Variants in RABGEF1 observed in about 807,000 individuals in gnomAD.
The protein encoded by RABGEF1 is rab5 GDP/GTP exchange factor.
A neutral mutation model predicts 57.3 loss-of-function variants in RABGEF1; 26 were observed. The ratio of observed to expected loss-of-function variants is 0.45; its 90% CI spans 0.33 to 0.63. The LOEUF (loss-of-function observed/expected upper bound fraction) is 0.63. Ranked by LOEUF, RABGEF1 falls within the 20% of genes least tolerant of loss-of-function variation. The probability of loss-of-function intolerance (pLI) is 0.02; values close to 1 mark genes in which losing one functional copy is unlikely to be tolerated. For missense variants in RABGEF1, 464 were observed against 607.6 expected, an observed-to-expected ratio of 0.76 and a Z score of 2.48; for synonymous variants, 185 against 210.7, an observed-to-expected ratio of 0.88 and a Z score of 1.06.
At chr7:66,776,253 T>TC (rs1274704933) in intron 3 of RABGEF1, among the ~76,000 whole-genome samples, 4 of 152,216 alleles carry the variant, frequency 2.6e-5, no homozygotes, top group African/African-American at 9.6e-5. Context: ...TAATGAGGTC[T>TC]CCCCTGAAGG....
At chr7:66,684,025 G>C (rs1056078989) in intron 1 of RABGEF1, among the ~76,000 whole-genome samples, 1 of 152,136 alleles carries the variant, frequency 6.6e-6, no homozygotes, top group Admixed American at 6.5e-5. Context: ...TACAGGCATC[G>C]GCTCCCGAGC....
rs545909493 is a variant in RABGEF1, at chr7:66,686,109, G to A, written c.-873+3851G>A. Among the ~76,000 whole-genome samples the A allele has an allele frequency of 1.2e-4, 18 of 152,054 alleles. No homozygotes were observed. In the South Asian group the frequency reaches 2.5e-3, roughly 21 times the overall value. ...GCCTGGATCAAGACTGCGAAACCCC[G>A]TCTCTACTAAAATACAGAAAACTTA... On this transcript the variant is annotated intron_variant and NMD_transcript_variant, in intron 1 of 9. Coordinates refer to the RABGEF1 transcript ENST00000607882.
the RABGEF1 span, among the ~76,000 whole-genome samples, chr7:66,663,214 C>T: frequency 6.6e-6 from 1 of 152,236 alleles, no homozygotes; most frequent in Non-Finnish European, 1.5e-5. Context: ...AGTTGAATAT[C>T]TCTAGAAACA....
At chr7:66,657,118 A>C in the RABGEF1 span, among the ~76,000 whole-genome samples, 2 of 152,252 alleles carry the variant, frequency 1.3e-5, no homozygotes. Context: ...GAAAGAGAGC[A>C]CTTGAACAAC....
the RABGEF1 span, among the ~76,000 whole-genome samples, chr7:66,658,876 C>T: frequency 6.6e-6 from 1 of 152,020 alleles, no homozygotes; most frequent in Non-Finnish European, 1.5e-5. Flanking sequence ...GCTGGGACTA[C>T]AGGCGCCCAC....
chr7:66,790,358 C>T (rs904403389), intron 4 of RABGEF1, among the ~76,000 whole-genome samples: 6 of 152,122 alleles, frequency 3.9e-5, no homozygotes, highest in South Asian at 2.1e-4. Flanking sequence ...TCTTCACATG[C>T]GACAGGCAAT....
the RABGEF1 span, among the ~76,000 whole-genome samples, chr7:66,663,425 A>G: frequency 6.6e-6 from 1 of 152,082 alleles, no homozygotes; most frequent in Admixed American, 6.6e-5. Flanking sequence ...TGAAAATACC[A>G]TAATTGGCTG....
chr7:66,660,590 T>G, the RABGEF1 span, among the ~76,000 whole-genome samples: 2 of 147,350 alleles, frequency 1.4e-5, no homozygotes, highest in Non-Finnish European at 3.0e-5. Flanking sequence ...CGGAGTGCAC[T>G]CCATTGCACT....
intron 4 of RABGEF1, among the ~76,000 whole-genome samples, chr7:66,785,879 G>GA (rs796913381): frequency 7.5e-5 from 10 of 133,892 alleles, no homozygotes; most frequent in Non-Finnish European, 1.0e-4. Flanking sequence ...ATCTGGGGGG[G>GA]AAAAAAAAAA....
In RABGEF1 at chr7:66,706,489, A is replaced by G. The variant is rs577060764; in HGVS notation, c.-872-5678A>G. On this transcript the variant is annotated intron_variant and NMD_transcript_variant, in intron 1 of 9. Transcript: ENST00000607882. ...CAGTGGTGTGATCTCTGCTTACTGC[A>G]CCCTTTGCCTCCCGGGTTCAAGCGA... 1.1e-4 allele frequency among the ~76,000 whole-genome samples: 17 copies of G among 151,820 alleles called. No individual in the cohort carries two copies. The South Asian group carries it at 3.3e-3, about 30-fold the overall frequency.
intron 6 of RABGEF1, among the ~76,000 whole-genome samples, chr7:66,797,837 C>A (rs1786361831): frequency 6.6e-6 from 1 of 152,158 alleles, no homozygotes; most frequent in Non-Finnish European, 1.5e-5. Context: ...GGTATCAAGG[C>A]AGGGGATGTC....
At chr7:66,655,097 G>A in the RABGEF1 span, among the ~76,000 whole-genome samples, 15 of 152,230 alleles carry the variant, frequency 9.9e-5, no homozygotes, top group African/African-American at 3.6e-4. Flanking sequence ...GCTCTTGGCC[G>A]CGACAGGGGC....
At chr7:66,687,985 T>C (rs1033105072) in intron 1 of RABGEF1, among the ~76,000 whole-genome samples, 12 of 149,802 alleles carry the variant, frequency 8.0e-5, no homozygotes, top group African/African-American at 2.7e-4. Flanking sequence ...CACGGTAGGC[T>C]GAGGCAGGAG....
intron 2 of RABGEF1, among the ~76,000 whole-genome samples, chr7:66,772,926 A>T (rs1022664980): frequency 1.3e-5 from 2 of 151,632 alleles, no homozygotes; most frequent in South Asian, 2.1e-4. Context: ...AAAAATAAAT[A>T]AATAAATAAA....
intron 1 of RABGEF1, among the ~76,000 whole-genome samples, chr7:66,744,512 C>A (rs1374973992): frequency 1.3e-5 from 2 of 151,328 alleles, no homozygotes; most frequent in Admixed American, 6.6e-5. Flanking sequence ...ACTAAAAATA[C>A]AAAAAATTAG....
chr7:66,705,919 G>A lies in RABGEF1; in HGVS notation c.-872-6248G>A, dbSNP rs1163597905. 5.9e-5 allele frequency among the ~76,000 whole-genome samples: 7 copies of A among 118,616 alleles called. No homozygotes were observed. The South Asian group carries it at 8.3e-4, about 14-fold the overall frequency. The allele number at this position is 118,616 out of a possible 152,430, so 77.8% of individuals were successfully genotyped here. A position where few individuals can be genotyped will look rare whatever the true frequency, so the allele number is the denominator to read the frequency against. ...TTTTTTTTTTTTTTTTTTTTGAGAC[G>A]GAGTCTCGCTTTGTCGCCCAGGCCG... On this transcript the variant is annotated intron_variant and NMD_transcript_variant, in intron 1 of 9. Coordinates refer to the RABGEF1 transcript ENST00000607882.
chr7:66,716,629 C>T (rs1303676117), intron 2 of RABGEF1, among the ~76,000 whole-genome samples: 1 of 149,332 alleles, frequency 6.7e-6, no homozygotes, highest in Non-Finnish European at 1.5e-5. Flanking sequence ...AATAAAACAG[C>T]AGCAACAAAA....
At chr7:66,748,046 C>T (rs1181717340) in intron 1 of RABGEF1, among the ~76,000 whole-genome samples, 1 of 151,962 alleles carries the variant, frequency 6.6e-6, no homozygotes, top group Non-Finnish European at 1.5e-5. Context: ...TTTGAGTAGC[C>T]AATTAAGAGA....
At chr7:66,674,299 C>G in the RABGEF1 span, among the ~76,000 whole-genome samples, 11 of 151,980 alleles carry the variant, frequency 7.2e-5, no homozygotes, top group Non-Finnish European at 1.6e-4. Flanking sequence ...AAGCAGTTCC[C>G]CTGCCTCAGC....
Sources: allele counts gnomAD v4.1 joint callset (sites outside exome capture counted in the v4.1 genomes callset), GRCh38; gene constraint gnomAD v4.1.1; transcripts MANE v1.5; gene names NCBI Gene and HGNC (gene_info 2026-07-23, HGNC 2026-07-21).